The following SESN1 variants were observed in gnomAD, a reference collection of about 807,000 sequenced individuals.
SESN1 encodes the protein sestrin 1.
A neutral mutation model predicts 59.3 loss-of-function variants in SESN1; 30 were observed. That is an observed-to-expected ratio of 0.51 (90% CI 0.38 to 0.69). The LOEUF is 0.69. Ranked by LOEUF, SESN1 falls within the 30% of genes least tolerant of loss-of-function variation. SESN1 has a pLI of 0.00. For synonymous variants in SESN1, 197 were observed against 219.9 expected (o/e 0.90, Z 0.92); for missense variants, 566 against 673.0 (o/e 0.84, Z 1.76).
intron 1 of SESN1, among the ~76,000 whole-genome samples, chr6:109,081,291 A>G (rs1179652506): frequency 6.6e-6 from 1 of 152,100 alleles, no homozygotes; most frequent in Non-Finnish European, 1.5e-5. Flanking sequence ...ATGTTGCCCA[A>G]GCAGGTGTTG....
At chr6:109,060,546 C>G (rs1004677686) in intron 1 of SESN1, among the ~76,000 whole-genome samples, 2 of 152,136 alleles carry the variant, frequency 1.3e-5, no homozygotes, top group African/African-American at 2.4e-5. Flanking sequence ...ACAGCAATGA[C>G]AGTGAACTAA....
At chr6:109,007,569 T>C (rs1431177098) in intron 1 of SESN1, among the ~76,000 whole-genome samples, 1 of 152,154 alleles carries the variant, frequency 6.6e-6, no homozygotes, top group African/African-American at 2.4e-5. Context: ...GGTAAAGATA[T>C]GTTATATAAA....
At chr6:109,043,123 T>G (rs1171083291) in intron 1 of SESN1, among the ~76,000 whole-genome samples, 1 of 152,130 alleles carries the variant, frequency 6.6e-6, no homozygotes, top group African/African-American at 2.4e-5. Flanking sequence ...CAGAAAAACA[T>G]TTGAGTAAAT....
At position 108,985,207 on chromosome 6, in the gene SESN1, GGTCT is replaced by G. The variant is rs1729579412; in HGVS notation, c.*2333_*2336del. Among the ~76,000 whole-genome samples, 1 of 152,074 alleles carries G rather than the reference GGTCT, an allele frequency of 6.6e-6. No homozygotes were observed. The highest frequency in any genetic ancestry group is 6.5e-5 in the Admixed American group (1 of 15,270). On this transcript the variant is annotated 3_prime_UTR_variant, in exon 10 of 10. Transcript: ENST00000436639. Reference sequence around the variant, plus strand: ...TTTACTTATCTACTTATCTCCTGGTGGTCTGTATCAAAATCAATCTCATTCTTAG... The same window carrying G: ...TTTACTTATCTACTTATCTCCTGGTGGTATCAAAATCAATCTCATTCTTAG...
chr6:109,002,153 T>A, intron 2 of SESN1, 125 bp downstream of exon 2: 1 of 733,808 alleles, frequency 1.4e-6, no homozygotes, highest in South Asian at 1.8e-5. Context: ...AAAGAATGAT[T>A]AACTGCAACC....
intron 1 of SESN1, among the ~76,000 whole-genome samples, chr6:109,056,380 G>A (rs982105275): frequency 1.3e-4 from 20 of 152,148 alleles, no homozygotes; most frequent in Non-Finnish European, 4.4e-5. Flanking sequence ...CTCCAGCCTG[G>A]GTGACAGAGC....
intron 1 of SESN1, among the ~76,000 whole-genome samples, chr6:109,080,576 C>G (rs1461264590): frequency 6.6e-6 from 1 of 152,196 alleles, no homozygotes; most frequent in Non-Finnish European, 1.5e-5. Flanking sequence ...AACTTAATAA[C>G]ATCTGAGAAT....
At chr6:108,999,923 A>G (rs1418784186) in intron 4 of SESN1, 2 of 152,210 alleles carry the variant, frequency 1.3e-5, no homozygotes, top group African/African-American at 2.4e-5. Flanking sequence ...AAACTATGGC[A>G]TAACTATACA....
chr6:109,009,273 G>T, intron 1 of SESN1: 1 of 1,211,808 alleles, frequency 8.3e-7, no homozygotes, highest in South Asian at 1.9e-5. Context: ...AGGAGGCAAC[G>T]TGACCTCCGT....
intron 1 of SESN1, among the ~76,000 whole-genome samples, chr6:109,045,178 C>G (rs1255169568): frequency 1.3e-5 from 2 of 152,082 alleles, no homozygotes; most frequent in African/African-American, 2.4e-5. Context: ...CCTCTGACAC[C>G]CTTACTAACC....
chr6:109,047,615 CG>C (rs1780474303), intron 1 of SESN1, among the ~76,000 whole-genome samples: 1 of 132,590 alleles, frequency 7.5e-6, no homozygotes, highest in East Asian at 2.2e-4. Flanking sequence ...TCATTGAGAA[CG>C]GGCCAGGATG....
intron 1 of SESN1, among the ~76,000 whole-genome samples, chr6:109,003,785 AT>A (rs1779674615): frequency 6.6e-6 from 1 of 152,210 alleles, no homozygotes; most frequent in Non-Finnish European, 1.5e-5. Flanking sequence ...AATAGCAGCC[AT>A]TTATATACAA....
intron 1 of SESN1, among the ~76,000 whole-genome samples, chr6:109,053,313 A>C (rs1780573715): frequency 6.6e-6 from 1 of 152,208 alleles, no homozygotes. Flanking sequence ...CCAGTAAATA[A>C]TGAACTGGGA....
chr6:108,988,517 G>T (rs768661580), intron 9 of SESN1, 26 bp downstream of exon 9: 3 of 1,578,446 alleles, frequency 1.9e-6, no homozygotes, highest in Non-Finnish European at 2.6e-6. Flanking sequence ...AAGTTACAAA[G>T]TAAATAAGCC....
At chr6:109,074,395 A>G (rs190436737) in intron 1 of SESN1, among the ~76,000 whole-genome samples, 51 of 152,322 alleles carry the variant, frequency 3.3e-4, no homozygotes, top group African/African-American at 1.2e-3. Flanking sequence ...GAAAATTATA[A>G]ATATTGATAA....
chr6:109,054,747 T>C (rs1490605917), intron 1 of SESN1, among the ~76,000 whole-genome samples: 1 of 149,644 alleles, frequency 6.7e-6, no homozygotes, highest in African/African-American at 2.5e-5. Context: ...TTTATGAGCT[T>C]CTTTGCACAT....
intron 1 of SESN1, among the ~76,000 whole-genome samples, chr6:109,030,297 A>C (rs931166341): frequency 6.6e-6 from 1 of 152,238 alleles, no homozygotes; most frequent in African/African-American, 2.4e-5. Flanking sequence ...CTAGAAAAGA[A>C]TATCAAATAA....
rs200172175 is a variant in SESN1, at chr6:109,002,378, G to T, written c.280-35C>A. The T allele has an allele frequency of 1.6e-3, 2,515 of 1,561,192 alleles. 11 individuals are homozygous for T. The highest frequency in any genetic ancestry group is 3.2e-3 in the South Asian group (285 of 89,682). ...AAAATTACACCATCTCAGGCCTTTGGCAGTAAACAAAATGAACTGAGGCTA... is the reference window on the plus strand; with the variant it reads ...AAAATTACACCATCTCAGGCCTTTGTCAGTAAACAAAATGAACTGAGGCTA... On this transcript the variant is annotated intron_variant, in intron 1 of 9. Coordinates refer to ENST00000436639, the MANE Select transcript of SESN1 (RefSeq NM_014454.3).
intron 1 of SESN1, among the ~76,000 whole-genome samples, chr6:109,060,262 G>T (rs1780710595): frequency 2.0e-5 from 3 of 152,010 alleles, no homozygotes; most frequent in African/African-American, 7.2e-5. Context: ...TTTAAAAGGA[G>T]AATTTTTAGA....
Sources: allele counts gnomAD v4.1 joint callset (sites outside exome capture counted in the v4.1 genomes callset), GRCh38; gene constraint gnomAD v4.1.1; transcripts MANE v1.5; gene names NCBI Gene and HGNC (gene_info 2026-07-23, HGNC 2026-07-21).